Variants in MPHOSPH8 observed in about 807,000 individuals in gnomAD.
MPHOSPH8 encodes M-phase phosphoprotein, mpp.
MPHOSPH8 carries 45 observed loss-of-function variants against 87.3 expected under a neutral mutation model. That is an observed-to-expected ratio of 0.52 (90% confidence interval 0.41 to 0.66). The LOEUF (loss-of-function observed/expected upper bound fraction) is 0.66, where lower values mean the gene tolerates loss of function less well. MPHOSPH8 is among the 30% of genes least tolerant of loss of function. The probability of loss-of-function intolerance (pLI) is 0.00; values close to 1 mark genes in which losing one functional copy is unlikely to be tolerated. For synonymous variants in MPHOSPH8, 366 were observed against 376.9 expected (o/e 0.97, Z 0.33); for missense variants, 883 against 1,020.2 (o/e 0.87, Z 1.83).
intron 12 of MPHOSPH8, chr13:19,670,933 C>A: frequency 1.0e-6 from 1 of 966,072 alleles, no homozygotes; most frequent in Non-Finnish European, 1.5e-6. Context: ...AATCCTCCCA[C>A]CTCAGCCTCC....
chr13:19,644,145 A>G (rs1198801249), intron 2 of MPHOSPH8, among the ~76,000 whole-genome samples: 1 of 152,220 alleles, frequency 6.6e-6, no homozygotes, highest in Non-Finnish European at 1.5e-5. Context: ...TCAATTTTAT[A>G]AACAGGTTCA....
chr13:19,656,944 A>G (rs1020213115), intron 5 of MPHOSPH8, among the ~76,000 whole-genome samples: 7 of 151,232 alleles, frequency 4.6e-5, no homozygotes, highest in Admixed American at 2.6e-4. Context: ...CAACATGGTG[A>G]AACCCCGTCT....
intron 5 of MPHOSPH8, among the ~76,000 whole-genome samples, chr13:19,657,890 C>T (rs1875283416): frequency 6.6e-6 from 1 of 152,228 alleles, no homozygotes; most frequent in Non-Finnish European, 1.5e-5. Flanking sequence ...AATAAGAAGA[C>T]TGGCTCTGCC....
intron 1 of MPHOSPH8, among the ~76,000 whole-genome samples, chr13:19,641,696 A>G (rs1479106252): frequency 6.6e-6 from 1 of 151,982 alleles, no homozygotes; most frequent in African/African-American, 2.4e-5. Context: ...AGGTTTCACC[A>G]TGTTGGCCAG....
At chr13:19,658,375 G>C (rs759375703) in intron 5 of MPHOSPH8, among the ~76,000 whole-genome samples, 2 of 121,796 alleles carry the variant, frequency 1.6e-5, no homozygotes, top group African/African-American at 3.6e-5. Flanking sequence ...ACTGAAGTCT[G>C]TGTGATTGAT....
chr13:19,647,695 T>C (rs1874638677), intron 3 of MPHOSPH8, among the ~76,000 whole-genome samples: 1 of 152,212 alleles, frequency 6.6e-6, no homozygotes, highest in Non-Finnish European at 1.5e-5. Context: ...TTTAATGCTT[T>C]TTAAAATGTA....
chr13:19,663,228 TGG>T, intron 9 of MPHOSPH8, 102 bp downstream of exon 9: 2 of 1,063,320 alleles, frequency 1.9e-6, no homozygotes, highest in Non-Finnish European at 2.9e-6. Context: ...GAGAACAGAG[TGG>T]GTACCAAGAC....
At chr13:19,661,888 C>T (rs769578530) in intron 8 of MPHOSPH8, 50 bp downstream of exon 8, 16 of 1,546,536 alleles carry the variant, frequency 1.0e-5, no homozygotes, top group South Asian at 4.8e-5. Flanking sequence ...GTATTCCTGC[C>T]GATGGACTGA....
At chr13:19,639,948 A>G (rs998013227) in intron 1 of MPHOSPH8, among the ~76,000 whole-genome samples, 7 of 152,122 alleles carry the variant, frequency 4.6e-5, no homozygotes, top group East Asian at 1.9e-4. Context: ...CTACTAAACA[A>G]TACAAAACTC....
intron 7 of MPHOSPH8, among the ~76,000 whole-genome samples, chr13:19,659,955 ATTTTT>A (rs34817892): frequency 1.0e-4 from 6 of 59,138 alleles, no homozygotes; most frequent in Non-Finnish European, 1.9e-4. Flanking sequence ...ATATGTATGG[ATTTTT>A]TTTTTTTTTT....
At position 19,671,888 on chromosome 13, in the gene MPHOSPH8, G is replaced by T. The variant is rs1176765081; in HGVS notation, c.*13G>T. ...GCAGCTGCAGTGACCAAACAGAAGG[G>T]ACTGGGCGGAGTTCTCTTCAGACCG... On this transcript the variant is annotated 3_prime_UTR_variant, in exon 14 of 14. Coordinates refer to ENST00000361479, the MANE Select transcript of MPHOSPH8 (RefSeq NM_017520.4). 6.2e-7 allele frequency: 1 copy of T among 1,613,476 alleles called. No individual in the cohort carries two copies. The highest frequency in any genetic ancestry group is 8.5e-7 in the Non-Finnish European group (1 of 1,179,510).
chr13:19,671,797 G>A, intron 13 of MPHOSPH8, 37 bp from the exon 14 acceptor site: 4 of 1,605,924 alleles, frequency 2.5e-6, no homozygotes, highest in Non-Finnish European at 3.4e-6. Context: ...GGGAAATCTG[G>A]ATCTGTACTG....
chr13:19,650,546 A>G (rs1013846610), intron 5 of MPHOSPH8: 6 of 281,596 alleles, frequency 2.1e-5, no homozygotes, highest in African/African-American at 1.3e-4. Flanking sequence ...CCCATTTTAT[A>G]TCTTACTATT....
chr13:19,664,366 ACTG>A (rs1380482990), intron 9 of MPHOSPH8, among the ~76,000 whole-genome samples: 6 of 152,102 alleles, frequency 3.9e-5, no homozygotes, highest in African/African-American at 1.4e-4. Context: ...TGTACCCTGA[ACTG>A]CAGCCACGCA....
At position 19,642,106 on chromosome 13, in the gene MPHOSPH8, C is replaced by G; in HGVS notation, c.214-9C>G. The stretch of plus-strand genomic sequence containing the variant: ...TGCTTTATTTGCCTCCTTTTATTTT[C>G]TATAACAGGGTAAAGTTCTTTACAA... On this transcript the variant is annotated splice_polypyrimidine_tract_variant and intron_variant, in intron 1 of 13. Coordinates refer to ENST00000361479, the MANE Select transcript of MPHOSPH8 (RefSeq NM_017520.4). The G allele has an allele frequency of 1.7e-6, 2 of 1,196,530 alleles. No individual in the cohort carries two copies. The highest frequency in any genetic ancestry group is 2.1e-6 in the Non-Finnish European group (2 of 953,066). The allele number at this position is 1,196,530 out of a possible 1,614,324, so 74.1% of individuals were successfully genotyped here. A position where few individuals can be genotyped will look rare whatever the true frequency, so the allele number is the denominator to read the frequency against.
chr13:19,641,215 C>T (rs1350422085), intron 1 of MPHOSPH8, among the ~76,000 whole-genome samples: 6 of 152,212 alleles, frequency 3.9e-5, no homozygotes, highest in South Asian at 2.1e-4. Context: ...AGTGCAATGG[C>T]ACTATCTTGG....
chr13:19,641,155 T>G (rs1439216408), intron 1 of MPHOSPH8, among the ~76,000 whole-genome samples: 1 of 152,130 alleles, frequency 6.6e-6, no homozygotes, highest in Non-Finnish European at 1.5e-5. Flanking sequence ...TTCTTTTCAT[T>G]TCTCTCTTTT....
intron 9 of MPHOSPH8, among the ~76,000 whole-genome samples, chr13:19,665,236 G>GTT (rs1875748809): frequency 6.6e-6 from 1 of 151,742 alleles, no homozygotes; most frequent in Admixed American, 6.5e-5. Flanking sequence ...TTATTTAAGT[G>GTT]TTTGTTCCTG....
intron 8 of MPHOSPH8, 69 bp from the exon 9 acceptor site, chr13:19,662,971 T>G: frequency 7.3e-7 from 1 of 1,372,838 alleles, no homozygotes; most frequent in Non-Finnish European, 1.0e-6. Flanking sequence ...GACTAAAAAT[T>G]TCAAAATATC....
Sources: allele counts gnomAD v4.1 joint callset (sites outside exome capture counted in the v4.1 genomes callset), GRCh38; gene constraint gnomAD v4.1.1; transcripts MANE v1.5; gene names NCBI Gene and HGNC (gene_info 2026-07-23, HGNC 2026-07-21).